Variants in PSMB5 observed in about 807,000 individuals in gnomAD.
PSMB5 encodes proteasome 20S subunit beta 5.
In PSMB5, 2 loss-of-function variants were observed where a neutral mutation model predicts 22.8. The observed-to-expected ratio is 0.09, with a 90% CI of 0.04 to 0.28. PSMB5 has a LOEUF of 0.28. Ranked by LOEUF, PSMB5 falls within the 10% of genes least tolerant of loss-of-function variation. PSMB5 has a pLI of 1.00. For synonymous variants in PSMB5, 133 were observed against 135.3 expected (o/e 0.98, Z 0.12); for missense variants, 269 against 343.8 (o/e 0.78, Z 1.72).
At chr14:23,028,490 A>C (rs1415985069) in intron 2 of PSMB5, among the ~76,000 whole-genome samples, 1 of 152,272 alleles carries the variant, frequency 6.6e-6, no homozygotes, top group African/African-American at 2.4e-5. Flanking sequence ...TATTAGGTTA[A>C]ACAAAATATA....
At chr14:23,033,259 T>C (rs1594715596) in intron 2 of PSMB5, 109 bp downstream of exon 2, 2 of 1,145,166 alleles carry the variant, frequency 1.7e-6, no homozygotes, top group African/African-American at 1.6e-5. Context: ...GCTAAGGACC[T>C]AATTACACTT....
chr14:23,035,090 C>T (rs996503985), upstream of PSMB5: 3 of 981,968 alleles, frequency 3.1e-6, no homozygotes, highest in Non-Finnish European at 4.3e-6. Context: ...CTTCACTAAC[C>T]TTAAATTCTA....
upstream of PSMB5, chr14:23,035,063 G>T: frequency 7.9e-7 from 1 of 1,267,678 alleles, no homozygotes; most frequent in Non-Finnish European, 1.0e-6. Context: ...ACTGAAGGGG[G>T]TCGGGGAAAT....
intron 1 of PSMB5, 103 bp downstream of exon 1, chr14:23,034,581 C>T (rs1382340160): frequency 1.5e-6 from 2 of 1,358,076 alleles, no homozygotes; most frequent in Non-Finnish European, 2.0e-6. Context: ...CCAGCCTCCG[C>T]CTGGGTTGGT....
Position 23,033,565 on chromosome 14 carries a change from G to C in PSMB5, c.308C>G (p.Thr103Ser), listed in dbSNP as rs1252693067. 3.7e-6 allele frequency: 6 copies of C among 1,614,078 alleles called. No homozygotes were observed. The highest frequency in any genetic ancestry group is 3.3e-5 in the Admixed American group (2 of 60,000). The part of the protein sequence containing the change: ...VIEINPYLLG[T>S]MAGGAADCSF... ...GCAATCCGCTGCGCCCCCAGCCATG[G>C]TGCCTAGCAGGTATGGGTTGATCTC... The change falls in exon 2 of 3, where the codon ACC becomes AGC. Residue 103 changes from threonine to serine, a missense_variant. By Grantham distance (58) the Thr-to-Ser change is moderately conservative. This residue lies in a region of PSMB5 where 75 missense variants were observed against 143.2 expected (regional missense o/e 0.52). Transcript: ENST00000361611.
chr14:23,033,256 A>C, intron 2 of PSMB5, 112 bp downstream of exon 2: 2 of 1,091,562 alleles, frequency 1.8e-6, no homozygotes, highest in Non-Finnish European at 2.6e-6. Flanking sequence ...AGGGCTAAGG[A>C]CCTAATTACA....
Position 23,027,397 on chromosome 14 carries a change from AT to A in PSMB5, c.506-1023del, listed in dbSNP as rs1222544635. ...CTTTGTCTCAAAAAAAAAAAAAATA[AT>A]AATAATAATAATAAATAAATAAAAT... On this transcript the variant is annotated intron_variant, in intron 2 of 2. Coordinates refer to ENST00000361611, the MANE Select transcript of PSMB5 (RefSeq NM_002797.5). Among the ~76,000 whole-genome samples the A allele has an allele frequency of 9.1e-4, 131 of 143,488 alleles. 1 individual carries two copies. Among genetic ancestry groups the A allele is most frequent in the African/African-American group, 3.2e-3 (126 of 38,860 alleles). The allele number at this position is 143,488 out of a possible 152,430, so 94.1% of individuals were successfully genotyped here. A position where few individuals can be genotyped will look rare whatever the true frequency, so the allele number is the denominator to read the frequency against.
chr14:23,034,746 A>G lies in PSMB5; in HGVS notation c.136T>C (p.Trp46Arg). The change falls in exon 1 of 3, where the codon TGG becomes CGG. Residue 46 changes from tryptophan (W) to arginine (R), a missense_variant. By Grantham distance (101) the Trp-to-Arg change is moderately radical. This residue lies in a region of PSMB5 where 81 missense variants were observed against 70.4 expected (regional missense o/e 1.15). Transcript: ENST00000361611. Reference protein sequence around the residue: ...SDGLSLAAPGWGVPEEPGIEM... With the variant: ...SDGLSLAAPGRGVPEEPGIEM... ...ATTCCTGGCTCTTCTGGGACACCCC[A>G]GCCTGGCGCGGCCAGGCTCAGACCA... 1.2e-6 allele frequency: 2 copies of G among 1,614,218 alleles called. No individual in the cohort carries two copies. Among genetic ancestry groups the G allele is most frequent in the South Asian group, 1.1e-5 (1 of 91,088 alleles).
chr14:23,026,856 G>A (rs893210669), intron 2 of PSMB5, among the ~76,000 whole-genome samples: 19 of 149,458 alleles, frequency 1.3e-4, no homozygotes, highest in African/African-American at 4.4e-4. Flanking sequence ...GCTGAGGTGG[G>A]CAGATCACCT....
At chr14:23,030,606 A>C (rs906764093) in intron 2 of PSMB5, among the ~76,000 whole-genome samples, 3 of 152,184 alleles carry the variant, frequency 2.0e-5, no homozygotes, top group African/African-American at 7.2e-5. Flanking sequence ...ATGCACACTC[A>C]AGTCCCAAAG....
Position 23,025,866 on chromosome 14 carries a change from AGTAGT to A in PSMB5, c.*218_*222del, listed in dbSNP as rs1353993349. On this transcript the variant is annotated 3_prime_UTR_variant, in exon 3 of 3. Transcript: ENST00000361611. ...CAACACAGGCTGAGATTGAGTAGTGAGTAGTGTAATGTTAACATCCAAGAAAGTAA... is the reference window on the plus strand; with the variant it reads ...CAACACAGGCTGAGATTGAGTAGTGAGTAATGTTAACATCCAAGAAAGTAA... 1 of 1,399,744 alleles carries A rather than the reference AGTAGT, an allele frequency of 7.1e-7. No individual in the cohort carries two copies. Among genetic ancestry groups the A allele is most frequent in the African/African-American group, 1.4e-5 (1 of 69,070 alleles). The allele number at this position is 1,399,744 out of a possible 1,614,324, so 86.7% of individuals were successfully genotyped here.
At chr14:23,035,082 T>C, upstream of PSMB5, 1 of 1,041,870 alleles carries the variant, frequency 9.6e-7, no homozygotes. Flanking sequence ...ATAGATGGCT[T>C]CACTAACCTT....
chr14:23,030,397 G>A (rs989521450), intron 2 of PSMB5, among the ~76,000 whole-genome samples: 29 of 151,988 alleles, frequency 1.9e-4, no homozygotes, highest in African/African-American at 5.6e-4. Context: ...GCTGAGGCAG[G>A]AGAATGGCGT....
In PSMB5 at chr14:23,026,489, G is replaced by C. The variant is rs912460611; in HGVS notation, c.506-114C>G. 5.7e-6 allele frequency: 8 copies of C among 1,413,968 alleles called. No individual in the cohort carries two copies. In the African/African-American group the frequency reaches 1.2e-4, roughly 20 times the overall value. The allele number at this position is 1,413,968 out of a possible 1,614,324, so 87.6% of individuals were successfully genotyped here. ...TTTGAGATGGAGTTTTGCTCTTGTTGCCCAAGCTAGAGTGCAATGGCGCAA... is the reference window on the plus strand; with the variant it reads ...TTTGAGATGGAGTTTTGCTCTTGTTCCCCAAGCTAGAGTGCAATGGCGCAA... On this transcript the variant is annotated intron_variant, in intron 2 of 2. Transcript: ENST00000361611.
At chr14:23,029,277 G>C (rs530913116) in intron 2 of PSMB5, among the ~76,000 whole-genome samples, 1 of 152,054 alleles carries the variant, frequency 6.6e-6, no homozygotes, top group Non-Finnish European at 1.5e-5. Flanking sequence ...TTGCCTAGAG[G>C]GGGGTCATCA....
chr14:23,029,333 T>C (rs1370255869), intron 2 of PSMB5, among the ~76,000 whole-genome samples: 2 of 152,126 alleles, frequency 1.3e-5, no homozygotes, highest in African/African-American at 4.8e-5. Context: ...ACTATTCCCC[T>C]TCACCCACTT....
intron 2 of PSMB5, chr14:23,027,733 TATA>T: frequency 3.3e-6 from 5 of 1,530,190 alleles, no homozygotes; most frequent in Non-Finnish European, 3.5e-6. Context: ...CACCTTATAT[TATA>T]ATAACTACCT....
chr14:23,028,234 T>C (rs1238102461), intron 2 of PSMB5, among the ~76,000 whole-genome samples: 1 of 152,218 alleles, frequency 6.6e-6, no homozygotes, highest in Non-Finnish European at 1.5e-5. Flanking sequence ...GAGGCTACAG[T>C]GAGCTGTGAT....
intron 1 of PSMB5, chr14:23,034,477 C>G (rs2046977123): frequency 1.6e-6 from 1 of 612,534 alleles, no homozygotes; most frequent in Non-Finnish European, 2.8e-6. Context: ...CCGACTTACC[C>G]CCGGCCCCAC....
Sources: gnomAD v4.1 joint callset for allele counts (sites outside exome capture counted in the v4.1 genomes callset) on GRCh38, gnomAD v4.1.1 for gene constraint, gnomAD v4.1.1 regional missense constraint, MANE v1.5 for transcripts, NCBI Gene and HGNC (gene_info 2026-07-23, HGNC 2026-07-21) for gene names.